Variants in LRRC18 observed in about 807,000 individuals in gnomAD.
LRRC18 encodes the protein leucine rich repeat containing 18.
Under a neutral mutation model 11.2 loss-of-function variants are expected in LRRC18, and 12 were observed. The ratio of observed to expected loss-of-function variants is 1.07; its 90% CI spans 0.69 to 1.74. LRRC18 has a LOEUF of 1.74. LRRC18 is among the 40% of genes most tolerant of loss of function. LRRC18 has a pLI of 0.00. For synonymous variants in LRRC18, 155 were observed against 130.6 expected (o/e 1.19, Z -1.27); for missense variants, 374 against 330.5 (o/e 1.13, Z -1.02).
At chr10:48,921,573 A>C in the LRRC18 span, among the ~76,000 whole-genome samples, 9 of 147,850 alleles carry the variant, frequency 6.1e-5, no homozygotes, top group Non-Finnish European at 1.0e-4. Flanking sequence ...AAAAGATAGT[A>C]TTAATAAGTT....
the LRRC18 span, among the ~76,000 whole-genome samples, chr10:48,919,388 C>T: frequency 4.6e-5 from 7 of 152,156 alleles, no homozygotes; most frequent in Non-Finnish European, 2.9e-5. Context: ...ATGGAATTCA[C>T]GGTTGAAACC....
exon 1 of LRRC18, chr10:48,914,094 C>A (rs761081688): frequency 1.2e-6 from 2 of 1,614,212 alleles, no homozygotes; most frequent in East Asian, 4.5e-5. Flanking sequence ...GATTTTGATG[C>A]AATTCCTGGC....
At chr10:48,917,409 C>T (rs553486584), upstream of LRRC18, among the ~76,000 whole-genome samples, 66 of 152,224 alleles carry the variant, frequency 4.3e-4, no homozygotes, top group African/African-American at 1.5e-3. Context: ...GGAAGCTCAG[C>T]GAACTCCAAA....
At chr10:48,919,950 A>G in the LRRC18 span, among the ~76,000 whole-genome samples, 1 of 152,216 alleles carries the variant, frequency 6.6e-6, no homozygotes, top group Admixed American at 6.5e-5. Context: ...ACAAAGACAT[A>G]TAAGAAAGAG....
chr10:48,912,487 T>G (rs1220505547), intron 1 of LRRC18, among the ~76,000 whole-genome samples: 1 of 152,246 alleles, frequency 6.6e-6, no homozygotes, highest in Non-Finnish European at 1.5e-5. Context: ...AGGCCAGCCC[T>G]GCACATCCAC....
At chr10:48,929,934 G>A in the LRRC18 span, among the ~76,000 whole-genome samples, 5 of 151,204 alleles carry the variant, frequency 3.3e-5, no homozygotes, top group Admixed American at 2.6e-4. Flanking sequence ...TTATTTCTCT[G>A]CACTTCTCCT....
chr10:48,916,127 G>A (rs1395800014), upstream of LRRC18, among the ~76,000 whole-genome samples: 2 of 152,172 alleles, frequency 1.3e-5, no homozygotes, highest in Non-Finnish European at 2.9e-5. Flanking sequence ...AGGCAGATTG[G>A]AGAAGAAATC....
chr10:48,913,368 C>A, intron 1 of LRRC18, 24 bp downstream of exon 3: 8 of 1,598,964 alleles, frequency 5.0e-6, no homozygotes, highest in Non-Finnish European at 6.8e-6. Flanking sequence ...TTCCCTTCTG[C>A]CTCAGGGTCA....
upstream of LRRC18, among the ~76,000 whole-genome samples, chr10:48,918,641 G>A (rs544713937): frequency 3.2e-4 from 48 of 152,328 alleles, no homozygotes; most frequent in South Asian, 1.0e-3. Flanking sequence ...ATCAATACTT[G>A]TCTCTCAGCA....
the LRRC18 span, among the ~76,000 whole-genome samples, chr10:48,933,069 T>A: frequency 6.6e-6 from 1 of 152,028 alleles, no homozygotes; most frequent in Non-Finnish European, 1.5e-5. Context: ...ACAGGCCAGC[T>A]GCAGGCAGGA....
chr10:48,926,905 T>G, the LRRC18 span, among the ~76,000 whole-genome samples: 1 of 152,212 alleles, frequency 6.6e-6, no homozygotes, highest in East Asian at 1.9e-4. Context: ...CTCCAGTCCC[T>G]GCAGGCCCAA....
the LRRC18 span, among the ~76,000 whole-genome samples, chr10:48,921,091 G>A: frequency 2.0e-5 from 3 of 152,096 alleles, no homozygotes; most frequent in Non-Finnish European, 4.4e-5. Context: ...CAAAATTACA[G>A]GAGGATTATT....
chr10:48,920,951 T>A, the LRRC18 span, among the ~76,000 whole-genome samples: 1 of 152,166 alleles, frequency 6.6e-6, no homozygotes, highest in Non-Finnish European at 1.5e-5. Context: ...AACCAAAATA[T>A]GCAGGATTTT....
chr10:48,936,853 A>G, the LRRC18 span, among the ~76,000 whole-genome samples: 1 of 149,228 alleles, frequency 6.7e-6, no homozygotes, highest in African/African-American at 2.5e-5. Flanking sequence ...AAAAAAAAAG[A>G]AAAAAAAAGA....
At chr10:48,930,085 C>T in the LRRC18 span, among the ~76,000 whole-genome samples, 1 of 152,162 alleles carries the variant, frequency 6.6e-6, no homozygotes, top group African/African-American at 2.4e-5. Context: ...CAGTTCCTAG[C>T]ACAGAGTAGG....
chr10:48,936,104 G>T, the LRRC18 span, among the ~76,000 whole-genome samples: 2 of 151,950 alleles, frequency 1.3e-5, no homozygotes, highest in Non-Finnish European at 1.5e-5. Context: ...TAGCAAATAA[G>T]TGAAATAAGT....
Position 48,913,629 on chromosome 10 carries a change from C to T in LRRC18, c.527G>A (p.Arg176Gln), listed in dbSNP as rs540331593. The T allele has an allele frequency of 1.7e-4, 280 of 1,613,910 alleles. 2 individuals are homozygous for T. In the South Asian group the frequency reaches 2.6e-3, roughly 15 times the overall value. The change falls in exon 1 of 2, where the codon CGG (arginine) becomes CAG (glutamine). Residue 176 changes from arginine (R) to glutamine (Q), a missense_variant. Coordinates refer to ENST00000374160, the Ensembl canonical transcript of LRRC18. Reference sequence around the variant, plus strand: ...CTCACCTGGCTTTGGAAAGGGGTTCCGCTTTATGTTGAGCTTTTTCAGCTT... The same window carrying T: ...CTCACCTGGCTTTGGAAAGGGGTTCTGCTTTATGTTGAGCTTTTTCAGCTT...
At chr10:48,912,680 A>G (rs1361065760) in intron 1 of LRRC18, among the ~76,000 whole-genome samples, 1 of 152,206 alleles carries the variant, frequency 6.6e-6, no homozygotes, top group East Asian at 1.9e-4. Context: ...TGCCACCATT[A>G]TTTCGTTTCT....
At chr10:48,919,718 C>G in the LRRC18 span, among the ~76,000 whole-genome samples, 1 of 152,188 alleles carries the variant, frequency 6.6e-6, no homozygotes, top group Non-Finnish European at 1.5e-5. Flanking sequence ...TATGAAGTCT[C>G]CACCCTCAAG....
Sources: gnomAD v4.1 joint callset for allele counts (sites outside exome capture counted in the v4.1 genomes callset) on GRCh38, gnomAD v4.1.1 for gene constraint, MANE v1.5 for transcripts, NCBI Gene and HGNC (gene_info 2026-07-23, HGNC 2026-07-21) for gene names.